The following NAV2 variants were observed in gnomAD, a reference collection of about 807,000 sequenced individuals.
NAV2 encodes the protein neuron navigator 2, also known as helicase, APC down-regulated 1.
A neutral mutation model predicts 223.2 loss-of-function variants in NAV2; 54 were observed. That is an observed-to-expected ratio of 0.24 (90% CI 0.19 to 0.30). The LOEUF is 0.30. Ranked by LOEUF, NAV2 falls within the 10% of genes least tolerant of loss-of-function variation. NAV2 has a pLI of 1.00. For synonymous variants in NAV2, 1,279 were observed against 1,239.3 expected (o/e 1.03, Z -0.67); for missense variants, 2,806 against 3,147.5 (o/e 0.89, Z 2.60).
chr11:19,688,368 A>G (rs2049079324), intron 1 of NAV2, among the ~76,000 whole-genome samples: 1 of 152,208 alleles, frequency 6.6e-6, no homozygotes, highest in African/African-American at 2.4e-5. Context: ...CTTGGGCACC[A>G]TGAATGTTCA....
At position 19,972,608 on chromosome 11, in the gene NAV2, C is replaced by T. The variant is rs1280614630; in HGVS notation, c.2646-11517C>T. Among the ~76,000 whole-genome samples the T allele has an allele frequency of 5.3e-5, 8 of 152,176 alleles. No homozygotes were observed. In the East Asian group the frequency reaches 1.5e-3, roughly 29 times the overall value. On this transcript the variant is annotated intron_variant, in intron 10 of 37. Coordinates refer to ENST00000349880, the MANE Select transcript of NAV2 (RefSeq NM_145117.5). ...GTCCTTTGTGTTTGTACATGCGTGTCTGTGTGAACTACCTGATCTCCCTCC... is the reference window on the plus strand; with the variant it reads ...GTCCTTTGTGTTTGTACATGCGTGTTTGTGTGAACTACCTGATCTCCCTCC...
chr11:19,438,411 C>T (rs924032922), intron 1 of NAV2, among the ~76,000 whole-genome samples: 4 of 152,224 alleles, frequency 2.6e-5, no homozygotes, highest in African/African-American at 9.6e-5. Context: ...CCCTTGTCAC[C>T]TGTGCAATCC....
chr11:19,958,016 C>T (rs2048031283), intron 10 of NAV2, among the ~76,000 whole-genome samples: 1 of 152,208 alleles, frequency 6.6e-6, no homozygotes, highest in Admixed American at 6.5e-5. Context: ...CTGCCTCCCT[C>T]CCACCCCTGC....
chr11:19,682,666 T>TG, intron 1 of NAV2, among the ~76,000 whole-genome samples: 1 of 152,262 alleles, frequency 6.6e-6, no homozygotes, highest in South Asian at 2.1e-4. Context: ...GCAGAAGGGA[T>TG]GGGGGGCTAC....
At chr11:20,103,450 G>A (rs878907457) in intron 33 of NAV2, 41 bp downstream of exon 33, 7 of 1,598,494 alleles carry the variant, frequency 4.4e-6, no homozygotes, top group South Asian at 3.4e-5. Flanking sequence ...CCGGGAGAGA[G>A]TGCTGCCAGC....
intron 11 of NAV2, among the ~76,000 whole-genome samples, chr11:19,985,293 AT>A (rs2050680894): frequency 6.6e-6 from 1 of 152,186 alleles, no homozygotes; most frequent in African/African-American, 2.4e-5. Context: ...CTGAAGAAGA[AT>A]CTTCATGTTC....
intron 6 of NAV2, among the ~76,000 whole-genome samples, chr11:19,898,475 A>G (rs1173768249): frequency 1.3e-5 from 2 of 152,218 alleles, no homozygotes; most frequent in Non-Finnish European, 2.9e-5. Flanking sequence ...AATCTTTTAA[A>G]TGAAATCATG....
At position 19,767,439 on chromosome 11, in the gene NAV2, T is replaced by G. The variant is rs965355097; in HGVS notation, c.267+53477T>G. 2.0e-5 allele frequency among the ~76,000 whole-genome samples: 3 copies of G among 152,196 alleles called. No individual in the cohort carries two copies. The East Asian group carries it at 5.8e-4, about 29-fold the overall frequency. On this transcript the variant is annotated intron_variant, in intron 1 of 37. Transcript: ENST00000349880. Reference sequence around the variant, plus strand: ...GGCTTTAGTGTTTTCTCCTACACAATTATAATGGTAAACCTTGATGTTGTC... The same window carrying G: ...GGCTTTAGTGTTTTCTCCTACACAAGTATAATGGTAAACCTTGATGTTGTC...
At chr11:20,077,852 TG>T in intron 23 of NAV2, 140 bp from the exon 24 acceptor site, 1 of 736,374 alleles carries the variant, frequency 1.4e-6, no homozygotes, top group Non-Finnish European at 2.3e-6. Context: ...TTTATGTGTT[TG>T]TTCATGCCTG....
chr11:19,353,218 C>T (rs1199254142), intron 1 of NAV2, among the ~76,000 whole-genome samples: 1 of 152,074 alleles, frequency 6.6e-6, no homozygotes, highest in African/African-American at 2.4e-5. Flanking sequence ...AGATGTTTAG[C>T]GAAAGACAAT....
At chr11:19,754,200 C>A (rs980306368) in intron 1 of NAV2, among the ~76,000 whole-genome samples, 1 of 152,146 alleles carries the variant, frequency 6.6e-6, no homozygotes. Flanking sequence ...TCCCCTTTCC[C>A]TACCTCTTTC....
intron 1 of NAV2, among the ~76,000 whole-genome samples, chr11:19,400,431 G>C (rs1169797299): frequency 6.6e-6 from 1 of 152,156 alleles, no homozygotes; most frequent in African/African-American, 2.4e-5. Flanking sequence ...CAATCTCCTG[G>C]AGTCACATCG....
At chr11:19,712,728 C>T (rs1438115407), upstream of NAV2, 1 of 151,936 alleles carries the variant, frequency 6.6e-6, no homozygotes, top group African/African-American at 2.4e-5. Context: ...TAGGCCACAC[C>T]CTCTTTGCAG....
At chr11:20,102,658 G>A (rs539899651) in intron 32 of NAV2, among the ~76,000 whole-genome samples, 7 of 152,158 alleles carry the variant, frequency 4.6e-5, no homozygotes, top group South Asian at 2.1e-4. Context: ...TTATCTTGCC[G>A]TTTCAGCCTT....
At position 19,914,566 on chromosome 11, in the gene NAV2, C is replaced by T. The variant is rs371265919; in HGVS notation, c.932-18610C>T. Among the ~76,000 whole-genome samples the T allele has an allele frequency of 2.7e-3, 395 of 147,170 alleles. 15 individuals are homozygous for T. In the South Asian group the frequency reaches 0.06, roughly 22 times the overall value. ...TTTTTTTTTTTTTTTGAGACGGAGT[C>T]TCGCTCTGTCGCCCAGGCCGGACTG... On this transcript the variant is annotated intron_variant, in intron 6 of 37. Coordinates refer to ENST00000349880, the MANE Select transcript of NAV2 (RefSeq NM_145117.5).
intron 25 of NAV2, among the ~76,000 whole-genome samples, chr11:20,081,277 G>A (rs900191301): frequency 6.6e-6 from 1 of 152,046 alleles, no homozygotes; most frequent in Non-Finnish European, 1.5e-5. Flanking sequence ...TATTTGTTAT[G>A]ACTAAACACA....
intron 1 of NAV2, among the ~76,000 whole-genome samples, chr11:19,467,018 C>CAGAGAG (rs61354519): frequency 1.2e-5 from 1 of 82,448 alleles, no homozygotes; most frequent in Admixed American, 1.1e-4. Context: ...CACACACACA[C>CAGAGAG]AGAGAGAGAG....
chr11:19,425,305 AAG>A (rs1850782210), intron 1 of NAV2, among the ~76,000 whole-genome samples: 1 of 152,224 alleles, frequency 6.6e-6, no homozygotes, highest in Non-Finnish European at 1.5e-5. Context: ...CATATCTAAG[AAG>A]AGTGTAGATA....
At chr11:19,876,832 T>C (rs1335486050) in intron 4 of NAV2, among the ~76,000 whole-genome samples, 4 of 151,516 alleles carry the variant, frequency 2.6e-5, no homozygotes, top group African/African-American at 9.7e-5. Flanking sequence ...CATCACAGAA[T>C]ATTTGACATC....
Sources: gnomAD v4.1 joint callset for allele counts (sites outside exome capture counted in the v4.1 genomes callset) on GRCh38, gnomAD v4.1.1 for gene constraint, MANE v1.5 for transcripts, NCBI Gene and HGNC (gene_info 2026-07-23, HGNC 2026-07-21) for gene names.